Variants in FASN observed in about 807,000 individuals in gnomAD.
FASN encodes 3-hydroxyacyl-[acyl-carrier-protein] dehydratase.
A neutral mutation model predicts 250.0 loss-of-function variants in FASN; 50 were observed. The ratio of observed to expected loss-of-function variants is 0.20; its 90% confidence interval spans 0.16 to 0.25. The LOEUF (loss-of-function observed/expected upper bound fraction) is 0.25, where lower values mean the gene tolerates loss of function less well. Among genes scored for constraint, FASN ranks in the 10% least tolerant of loss-of-function variants. The pLI, the probability that FASN is intolerant of heterozygous loss-of-function variation, is 1.00. For missense variants in FASN, 3,031 were observed against 3,498.5 expected (o/e 0.87, Z 3.37); for synonymous variants, 1,909 against 1,584.0 (o/e 1.21, Z -4.87).
intron 5 of FASN, 85 bp downstream of exon 5, chr17:82,093,134 A>T: frequency 6.5e-7 from 1 of 1,543,380 alleles, no homozygotes; most frequent in Non-Finnish European, 8.8e-7. Flanking sequence ...CGGAGCTGGC[A>T]GGATCCTGCT....
chr17:82,086,312 T>C lies in FASN; in HGVS notation c.3674A>G (p.Lys1225Arg), dbSNP rs780937206. The change falls in exon 22 of 43, where the codon AAG (lysine) becomes AGG (arginine). Residue 1225 changes from lysine (K) to arginine (R), a missense_variant. Physicochemically the swap from Lys to Arg is conservative, Grantham distance 26. Transcript: ENST00000306749. ...LSGLLDSPAL[K>R]ACLDTAVENM... ...CTCCACGGCAGTGTCCAGGCAGGCC[T>C]TGAGTGCCGGGGAGTCCAGGAGGCC... The C allele has an allele frequency of 4.4e-6, 7 of 1,601,224 alleles. No homozygotes were observed. The highest frequency in any genetic ancestry group is 1.7e-4 in the Middle Eastern group (1 of 6,020).
At chr17:82,095,031 C>T (rs1173127494) in intron 3 of FASN, among the ~76,000 whole-genome samples, 4 of 152,074 alleles carry the variant, frequency 2.6e-5, no homozygotes, top group East Asian at 1.9e-4. Flanking sequence ...CTTTGCCTCT[C>T]GTCACTCCAG....
At position 82,081,659 on chromosome 17, in the gene FASN, C is replaced by T. The variant is rs376473813; in HGVS notation, c.6348G>A (p.Ala2116=). The change falls in exon 37 of 43, where the codon GCG becomes GCA. Residue 2116 remains alanine (A), a synonymous_variant. Transcript: ENST00000306749. The part of the protein sequence containing the change: ...LSSFVLAEKA[A]AYRDRDSQRD... Reference sequence around the variant, plus strand: ...GCTGGCTGTCCCTGTCCCTATAGGCCGCAGCCTTCTCAGCCAGCACAAAGC... The same window carrying T: ...GCTGGCTGTCCCTGTCCCTATAGGCTGCAGCCTTCTCAGCCAGCACAAAGC... 44 of 1,612,616 alleles carry T rather than the reference C, an allele frequency of 2.7e-5. No individual in the cohort carries two copies. Among genetic ancestry groups the T allele is most frequent in the African/African-American group, 1.1e-4 (8 of 74,886 alleles).
chr17:82,090,862 G>A lies in FASN; in HGVS notation c.1680+20C>T, dbSNP rs1004591366. ...GCCCTGGGGCTGGCGTTGCTCACAC[G>A]CTGGCAGGCTGGGCCCTACCTGGAT... On this transcript the variant is annotated intron_variant, in intron 10 of 42. Coordinates refer to ENST00000306749, the MANE Select transcript of FASN (RefSeq NM_004104.5). 42 of 1,565,192 alleles carry A rather than the reference G, an allele frequency of 2.7e-5. No homozygotes were observed. The highest frequency in any genetic ancestry group is 3.5e-5 in the Non-Finnish European group (40 of 1,156,086).
At chr17:82,079,822 A>T (rs2033956097) in intron 41 of FASN, 1 of 690,060 alleles carries the variant, frequency 1.4e-6, no homozygotes, top group Non-Finnish European at 2.4e-6. Context: ...GGTTCAAGCG[A>T]TTCTCCTCCC....
In FASN at chr17:82,085,245, G is replaced by A. The variant is rs2034071546; in HGVS notation, c.4280C>T (p.Ser1427Phe). ...VDDTSFRWVESLKGILADEDS... is the reference protein window; with the variant it reads ...VDDTSFRWVEFLKGILADEDS... ...GGTGGGGCAGGGCCTGACCTTCAGAGACTCCACCCAGCGGAAGCTGGTATC... is the reference window on the plus strand; with the variant it reads ...GGTGGGGCAGGGCCTGACCTTCAGAAACTCCACCCAGCGGAAGCTGGTATC... Residue 1427 changes from serine (S) to phenylalanine (F), a missense_variant, in exon 24 of 43, where the codon TCT becomes TTT. By Grantham distance (155) the Ser-to-Phe change is radical (BLOSUM62 -2). Transcript: ENST00000306749. 1 of 1,611,810 alleles carries A rather than the reference G, an allele frequency of 6.2e-7. No individual in the cohort carries two copies. Among genetic ancestry groups the A allele is most frequent in the Non-Finnish European group, 8.5e-7 (1 of 1,179,590 alleles).
At chr17:82,089,536 A>C in intron 12 of FASN, 96 bp downstream of exon 12, 1 of 1,547,930 alleles carries the variant, frequency 6.5e-7, no homozygotes, top group Non-Finnish European at 8.8e-7. Flanking sequence ...GGCCCGTCAG[A>C]GCTTGGTGGG....
At position 82,087,722 on chromosome 17, in the gene FASN, G is replaced by A. The variant is rs1366161093; in HGVS notation, c.3006C>T (p.Gly1002=). ...KELRLRGYDY[G]PHFQGILEAS... ...CCTCCAGGATGCCCTGGAAATGAGG[G>A]CCGTAGTCGTAGCCACGCAGACGCA... Residue 1002 remains glycine, a synonymous_variant, in exon 19 of 43, where the codon GGC becomes GGT. Coordinates refer to ENST00000306749, the MANE Select transcript of FASN (RefSeq NM_004104.5). 3 of 1,612,234 alleles carry A rather than the reference G, an allele frequency of 1.9e-6. No homozygotes were observed. The highest frequency in any genetic ancestry group is 2.2e-5 in the East Asian group (1 of 44,888).
intron 12 of FASN, 73 bp downstream of exon 12, chr17:82,089,559 G>T (rs2034165290): frequency 1.4e-5 from 22 of 1,544,858 alleles, no homozygotes; most frequent in Non-Finnish European, 1.9e-5. Flanking sequence ...GTAGACCGTG[G>T]CCGCGTGTCC....
chr17:82,096,638 G>C (rs1008099599), intron 1 of FASN, 186 bp from the exon 2 acceptor site: 6 of 786,910 alleles, frequency 7.6e-6, no homozygotes, highest in Non-Finnish European at 1.2e-5. Context: ...CGCTCTCGCT[G>C]GGAGGGGCTG....
At position 82,080,380 on chromosome 17, in the gene FASN, G is replaced by A. The variant is rs1568104070; in HGVS notation, c.7037C>T (p.Ala2346Val). 6.2e-7 allele frequency: 1 copy of A among 1,603,728 alleles called. No homozygotes were observed. Among genetic ancestry groups the A allele is most frequent in the Non-Finnish European group, 8.5e-7 (1 of 1,175,812 alleles). ...CAGCCTGGCTCTCACCTGGGTGTAG[G>A]CCAGTACGTAGGTGGGCGAGCCGTC... ...LFDGSPTYVL[A>V]YTQSYRAKLT... The change falls in exon 40 of 43, where the codon GCC becomes GTC. Residue 2346 changes from alanine to valine, a missense_variant. Coordinates refer to ENST00000306749, the MANE Select transcript of FASN (RefSeq NM_004104.5).
At position 82,079,008 on chromosome 17, in the gene FASN, A is replaced by C. The variant is rs952597898; in HGVS notation, c.*135T>G. On this transcript the variant is annotated 3_prime_UTR_variant, in exon 43 of 43. Transcript: ENST00000306749. Reference sequence around the variant, plus strand: ...GACATGCCTAACACCTACATCTAGCAGCCTCGGGGGGCAGTGGCACTGGGC... The same window carrying C: ...GACATGCCTAACACCTACATCTAGCCGCCTCGGGGGGCAGTGGCACTGGGC... The C allele has an allele frequency of 9.9e-5, 107 of 1,075,710 alleles. No individual in the cohort carries two copies. The highest frequency in any genetic ancestry group is 5.3e-5 in the East Asian group (2 of 38,056). The allele number at this position is 1,075,710 out of a possible 1,614,324, so 66.6% of individuals were successfully genotyped here.
chr17:82,091,200 T>C (rs2034199363), intron 9 of FASN, 22 bp downstream of exon 9: 5 of 1,601,420 alleles, frequency 3.1e-6, no homozygotes, highest in East Asian at 2.2e-5. Context: ...GGGACCACCT[T>C]GGGGGCAGAG....
In FASN at chr17:82,085,223, G is replaced by A. The variant is rs1264905421; in HGVS notation, c.4287+15C>T. On this transcript the variant is annotated intron_variant, in intron 24 of 42. Coordinates refer to ENST00000306749, the MANE Select transcript of FASN (RefSeq NM_004104.5). ...GGGAGGTGGGGTGGGGCCTGGAGGT[G>A]GGGCAGGGCCTGACCTTCAGAGACT... The A allele has an allele frequency of 2.5e-6, 4 of 1,612,174 alleles. No homozygotes were observed. Among genetic ancestry groups the A allele is most frequent in the South Asian group, 2.2e-5 (2 of 91,062 alleles).
In FASN at chr17:82,091,483, G is replaced by A. The variant is rs1209369034; in HGVS notation, c.1231C>T (p.Pro411Ser). 1 of 1,604,764 alleles carries A rather than the reference G, an allele frequency of 6.2e-7. No homozygotes were observed. Among genetic ancestry groups the A allele is most frequent in the Non-Finnish European group, 8.5e-7 (1 of 1,176,490 alleles). The change falls in exon 9 of 43, where the codon CCC (proline) becomes TCC (serine). Residue 411 changes from proline to serine, a missense_variant. Pro to Ser is a moderately conservative substitution (Grantham distance 74). Coordinates refer to ENST00000306749, the MANE Select transcript of FASN (RefSeq NM_004104.5). ...GTGGCATGTGGGGCGGGTGCGGGGG[G>A]CGGCTGCGTGTTGGGCCTCAGGATG... The part of the protein sequence containing the change: ...HIILRPNTQP[P>S]PAPAPHATLP...
chr17:82,085,465 CT>C lies in FASN; in HGVS notation c.4122+16del. The C allele has an allele frequency of 6.3e-7, 1 of 1,590,906 alleles. No homozygotes were observed. On this transcript the variant is annotated intron_variant, in intron 23 of 42. Coordinates refer to ENST00000306749, the MANE Select transcript of FASN (RefSeq NM_004104.5). Reference sequence around the variant, plus strand: ...CTCACCCGGCCCCCACCCTGTCCCCCTGCCCGGCGGCCGCACCTGGCTCAGG... The same window carrying C: ...CTCACCCGGCCCCCACCCTGTCCCCCGCCCGGCGGCCGCACCTGGCTCAGG...
In FASN at chr17:82,082,594, C is replaced by T. The variant is rs1425687411; in HGVS notation, c.5852G>A (p.Gly1951Glu). The change falls in exon 34 of 43, where the codon GGG (glycine) becomes GAG (glutamate). Residue 1951 changes from glycine to glutamate, a missense_variant. Gly to Glu is a moderately conservative substitution (Grantham distance 98). Transcript: ENST00000306749. ...VSTSNISSLE[G>E]ARGLIAEAAQ... Reference sequence around the variant, plus strand: ...CGCCTCGGCAATGAGGCCCCGGGCCCCCTCCAGTGAGCTGATGTTGCTGGT... The same window carrying T: ...CGCCTCGGCAATGAGGCCCCGGGCCTCCTCCAGTGAGCTGATGTTGCTGGT... 1.9e-6 allele frequency: 3 copies of T among 1,610,412 alleles called. No individual in the cohort carries two copies. The highest frequency in any genetic ancestry group is 2.5e-6 in the Non-Finnish European group (3 of 1,179,886).
At chr17:82,095,747 GGGACCATCTGCC>G (rs949362487) in intron 2 of FASN, among the ~76,000 whole-genome samples, 39 of 152,332 alleles carry the variant, frequency 2.6e-4, no homozygotes, top group African/African-American at 8.7e-4. Flanking sequence ...GTGAGGCTGG[GGGACCATCTGCC>G]GGGCTGGTGC....
At chr17:82,096,861 G>A (rs1290821903) in intron 1 of FASN, 1 of 320,024 alleles carries the variant, frequency 3.1e-6, no homozygotes, top group Non-Finnish European at 6.2e-6. Context: ...TCACAGTGAG[G>A]AGCAGGCAGG....
Sources: gnomAD v4.1 joint callset for allele counts (sites outside exome capture counted in the v4.1 genomes callset) on GRCh38, gnomAD v4.1.1 for gene constraint, MANE v1.5 for transcripts, NCBI Gene and HGNC (gene_info 2026-07-23, HGNC 2026-07-21) for gene names.